RILPL1: variants seen among roughly 807,000 people sequenced by gnomAD.
RILPL1 encodes Rab interacting lysosomal protein like 1, also known as RILP-like protein 1.
A neutral mutation model predicts 50.3 loss-of-function variants in RILPL1; 33 were observed. The ratio of observed to expected loss-of-function variants is 0.66; its 90% CI spans 0.50 to 0.88. The LOEUF (loss-of-function observed/expected upper bound fraction) is 0.88, where lower values mean the gene tolerates loss of function less well. Among genes scored for constraint, RILPL1 ranks in the 40% least tolerant of loss-of-function variants. The pLI is 0.00. For missense variants in RILPL1, 418 were observed against 542.5 expected, an observed-to-expected ratio of 0.77 and a Z score of 2.28; for synonymous variants, 205 against 228.6, an observed-to-expected ratio of 0.90 and a Z score of 0.93.
chr12:123,485,762 A>T lies in RILPL1; in HGVS notation c.845T>A (p.Val282Glu). The T allele has an allele frequency of 1.2e-6, 2 of 1,611,804 alleles. No homozygotes were observed. The highest frequency in any genetic ancestry group is 1.7e-6 in the Non-Finnish European group (2 of 1,179,030). ...GTTGGGGTCCTTGAGATCCATGGCC[A>T]CCTTCTCTGCGTCGGAGATGCTCTC... is the stretch of plus-strand genomic sequence containing the variant. ...GEESISDAEKVAMDLKDPNRP... is the reference protein window; with the variant it reads ...GEESISDAEKEAMDLKDPNRP... The change falls in exon 5 of 7, where the codon GTG becomes GAG. Residue 282 changes from valine to glutamate, a missense_variant. Physicochemically the swap from Val to Glu is moderately radical, Grantham distance 121. Transcript: ENST00000376874. This position sits in a 1 kb window ranked among gnomAD's most constrained non-coding sequence, Gnocchi z 4.0.
chr12:123,526,421 A>C (rs1345015722), intron 1 of RILPL1, among the ~76,000 whole-genome samples: 1 of 152,228 alleles, frequency 6.6e-6, no homozygotes, highest in Non-Finnish European at 1.5e-5. Flanking sequence ...TTACTAGCTG[A>C]CCTTGGCGAG....
chr12:123,527,761 AGGT>A (rs1885311739), intron 1 of RILPL1, among the ~76,000 whole-genome samples: 1 of 152,184 alleles, frequency 6.6e-6, no homozygotes, highest in Non-Finnish European at 1.5e-5. Flanking sequence ...AGAGGAAGGC[AGGT>A]CAGCGTTAGA....
chr12:123,479,651 C>T (rs1233793825), intron 6 of RILPL1, among the ~76,000 whole-genome samples: 3 of 152,168 alleles, frequency 2.0e-5, no homozygotes, highest in South Asian at 2.1e-4. Flanking sequence ...GGTCAAAAGC[C>T]CTTTGTGCCA....
At chr12:123,516,946 A>T (rs1311788868) in intron 2 of RILPL1, among the ~76,000 whole-genome samples, 1 of 152,150 alleles carries the variant, frequency 6.6e-6, no homozygotes, top group Non-Finnish European at 1.5e-5. Context: ...CTGTAGTCCC[A>T]GCTACTTGGG....
At position 123,529,368 on chromosome 12, in the gene RILPL1, C is replaced by T. The variant is rs932041420; in HGVS notation, c.309+3806G>A. On this transcript the variant is annotated intron_variant, in intron 1 of 6. Coordinates refer to ENST00000376874, the MANE Select transcript of RILPL1 (RefSeq NM_178314.5). ...GTGCAGTGATATGATCTCGGCTCAA[C>T]GCAACCTTCACCTCCCAGGTTCAAG... 3.4e-4 allele frequency among the ~76,000 whole-genome samples: 52 copies of T among 152,154 alleles called. 1 individual carries two copies. The highest frequency in any genetic ancestry group is 1.9e-3 in the East Asian group (10 of 5,184).
chr12:123,523,975 C>T (rs1023080536), intron 1 of RILPL1, among the ~76,000 whole-genome samples: 2 of 152,230 alleles, frequency 1.3e-5, no homozygotes, highest in African/African-American at 4.8e-5. Flanking sequence ...CCGAACGTTC[C>T]TAACCTCTGG....
At chr12:123,529,810 G>A (rs1402044358) in intron 1 of RILPL1, among the ~76,000 whole-genome samples, 1 of 150,026 alleles carries the variant, frequency 6.7e-6, no homozygotes, top group East Asian at 2.0e-4. Context: ...GGTGTTCAGG[G>A]CTGCAGGGAG....
intron 5 of RILPL1, among the ~76,000 whole-genome samples, chr12:123,484,486 T>C (rs1344750689): frequency 1.3e-5 from 2 of 152,020 alleles, no homozygotes; most frequent in African/African-American, 4.8e-5. Context: ...ACCTCTGTGG[T>C]TTCTTCTACC....
At chr12:123,519,025 C>G (rs1884871271) in intron 2 of RILPL1, among the ~76,000 whole-genome samples, 1 of 137,748 alleles carries the variant, frequency 7.3e-6, no homozygotes, top group South Asian at 2.3e-4. Flanking sequence ...CCACTGCACT[C>G]CAGCCTAGGC....
At chr12:123,511,106 CTG>C (rs1283871760) in intron 2 of RILPL1, among the ~76,000 whole-genome samples, 8 of 55,070 alleles carry the variant, frequency 1.5e-4, no homozygotes, top group Middle Eastern at 0.016. Flanking sequence ...TGTGTTAGGT[CTG>C]TGTGTGTGGT....
In RILPL1 at chr12:123,491,090, C is replaced by T. The variant is rs539214024; in HGVS notation, c.802-5285G>A. ...TTGCCTGAAAGTACAGGCAGAAGGA[C>T]AGCCCTGGGCTCCAGCTTCTCGAGA... is the stretch of plus-strand genomic sequence containing the variant. On this transcript the variant is annotated intron_variant, in intron 4 of 6. Transcript: ENST00000376874. The surrounding 1 kb of genome is among the most constrained non-coding windows in gnomAD (Gnocchi z 4.0). Among the ~76,000 whole-genome samples the T allele has an allele frequency of 2.3e-4, 35 of 152,328 alleles. No individual in the cohort carries two copies. The highest frequency in any genetic ancestry group is 8.4e-4 in the African/African-American group (35 of 41,576).
chr12:123,513,380 G>A, intron 2 of RILPL1: 1 of 388,442 alleles, frequency 2.6e-6, no homozygotes, highest in South Asian at 1.8e-5. Context: ...TGCTGGGGCT[G>A]CCTTGGCTCC....
chr12:123,533,571 C>G lies in RILPL1; in HGVS notation c.-89G>C. 1 of 1,141,118 alleles carries G rather than the reference C, an allele frequency of 8.8e-7. No individual in the cohort carries two copies. Among genetic ancestry groups the G allele is most frequent in the Non-Finnish European group, 1.1e-6 (1 of 902,796 alleles). The allele number at this position is 1,141,118 out of a possible 1,614,324, so 70.7% of individuals were successfully genotyped here. On this transcript the variant is annotated 5_prime_UTR_variant, in exon 1 of 7. Transcript: ENST00000376874. This position sits in a 1 kb window ranked among gnomAD's most constrained non-coding sequence, Gnocchi z 6.2. Reference sequence around the variant, plus strand: ...GAGGGCCGGGCCGGCCGGGCCCAGCCTGGGCCGCGGGCGGGCGCGCTCAGC... The same window carrying G: ...GAGGGCCGGGCCGGCCGGGCCCAGCGTGGGCCGCGGGCGGGCGCGCTCAGC...
intron 2 of RILPL1, among the ~76,000 whole-genome samples, chr12:123,513,169 T>G (rs1309898308): frequency 6.6e-6 from 1 of 151,474 alleles, no homozygotes; most frequent in Non-Finnish European, 1.5e-5. Flanking sequence ...TCTGTGTGTG[T>G]GGCGTGTGTG....
At chr12:123,493,681 G>C (rs1006083465) in intron 4 of RILPL1, among the ~76,000 whole-genome samples, 1 of 151,898 alleles carries the variant, frequency 6.6e-6, no homozygotes, top group Non-Finnish European at 1.5e-5. Flanking sequence ...ACGTTCTCCG[G>C]CCTAGCTCAC....
intron 6 of RILPL1, 29 bp from the exon 7 acceptor site, chr12:123,472,711 G>C: frequency 6.3e-7 from 1 of 1,583,966 alleles, no homozygotes; most frequent in Non-Finnish European, 8.6e-7. Context: ...ACACAGAAAT[G>C]AGAGCTGACC....
chr12:123,479,353 A>C (rs559237067), intron 6 of RILPL1, among the ~76,000 whole-genome samples: 2 of 152,048 alleles, frequency 1.3e-5, no homozygotes, highest in East Asian at 1.9e-4. Flanking sequence ...GGTGGGAAAA[A>C]CCAGTTAACA....
intron 4 of RILPL1, among the ~76,000 whole-genome samples, chr12:123,497,748 T>G (rs1185494832): frequency 3.9e-5 from 6 of 152,180 alleles, no homozygotes; most frequent in African/African-American, 1.4e-4. Context: ...CCTCGCTATG[T>G]TGCCCAGGCC....
intron 1 of RILPL1, among the ~76,000 whole-genome samples, chr12:123,528,477 G>T (rs1203591020): frequency 6.6e-6 from 1 of 151,318 alleles, no homozygotes; most frequent in Non-Finnish European, 1.5e-5. Flanking sequence ...ACCCAGGCTG[G>T]AGTGCAGTGG....
Sources: gnomAD v4.1 joint callset for allele counts (sites outside exome capture counted in the v4.1 genomes callset) on GRCh38, gnomAD v4.1.1 for gene constraint, Gnocchi (gnomAD v3.1) non-coding constraint, MANE v1.5 for transcripts, NCBI Gene and HGNC (gene_info 2026-07-23, HGNC 2026-07-21) for gene names.